The following FHOD3 variants were observed in gnomAD, a reference collection of about 807,000 sequenced individuals.
FHOD3 encodes the protein FH1/FH2 domain-containing protein 3.
FHOD3 carries 90 observed loss-of-function variants against 173.0 expected under a neutral mutation model. The ratio of observed to expected loss-of-function variants is 0.52; its 90% CI spans 0.44 to 0.62. FHOD3 has a LOEUF of 0.62. FHOD3 is among the 20% of genes least tolerant of loss of function. FHOD3 has a pLI of 0.00. For synonymous variants in FHOD3, 828 were observed against 823.0 expected (o/e 1.01, Z -0.10); for missense variants, 1,945 against 2,034.7 (o/e 0.96, Z 0.85).
chr18:36,487,206 T>A (rs1234598872), intron 3 of FHOD3, among the ~76,000 whole-genome samples: 2 of 152,226 alleles, frequency 1.3e-5, no homozygotes, highest in African/African-American at 2.4e-5. Flanking sequence ...TATATTTCAG[T>A]TGATAAGCAA....
At chr18:36,298,116 G>T (rs2091846432) in intron 1 of FHOD3, 116 bp downstream of exon 1, 1 of 968,292 alleles carries the variant, frequency 1.0e-6, no homozygotes, top group Non-Finnish European at 1.4e-6. Flanking sequence ...GCGGCCCGGG[G>T]GGACCATCGC....
chr18:36,638,927 T>A (rs1012642417), intron 10 of FHOD3, among the ~76,000 whole-genome samples: 4 of 152,220 alleles, frequency 2.6e-5, no homozygotes, highest in African/African-American at 4.8e-5. Flanking sequence ...ATTGTACAAC[T>A]TCTGGAAGTG....
chr18:36,443,499 T>C (rs2143882850), intron 3 of FHOD3, among the ~76,000 whole-genome samples: 2 of 152,346 alleles, frequency 1.3e-5, no homozygotes, highest in Middle Eastern at 3.4e-3. Flanking sequence ...CACTTAAACA[T>C]TCCCTCATCA....
chr18:36,320,087 G>A (rs1950661514), intron 1 of FHOD3, among the ~76,000 whole-genome samples: 1 of 152,048 alleles, frequency 6.6e-6, no homozygotes, highest in Admixed American at 6.6e-5. Context: ...AGAAGCAAGA[G>A]CAAACAAATT....
At chr18:36,462,022 A>T (rs556601313) in intron 3 of FHOD3, among the ~76,000 whole-genome samples, 1 of 152,364 alleles carries the variant, frequency 6.6e-6, no homozygotes, top group South Asian at 2.1e-4. Flanking sequence ...GTAGAATAAT[A>T]TGCAAAAGTG....
intron 1 of FHOD3, among the ~76,000 whole-genome samples, chr18:36,347,318 G>A (rs1198549142): frequency 1.3e-5 from 2 of 152,154 alleles, no homozygotes; most frequent in African/African-American, 4.8e-5. Flanking sequence ...TAATTCAAAT[G>A]TTTACCTATT....
intron 5 of FHOD3, among the ~76,000 whole-genome samples, chr18:36,556,783 T>C (rs978787706): frequency 6.6e-6 from 1 of 152,214 alleles, no homozygotes; most frequent in Non-Finnish European, 1.5e-5. Context: ...GTGCTCTTTA[T>C]TCCTTTTTGG....
chr18:36,693,776 C>T (rs1034760144), intron 17 of FHOD3, among the ~76,000 whole-genome samples: 1 of 152,064 alleles, frequency 6.6e-6, no homozygotes, highest in Non-Finnish European at 1.5e-5. Context: ...GACCAACATT[C>T]GAATGTTCTT....
intron 3 of FHOD3, among the ~76,000 whole-genome samples, chr18:36,476,542 C>T (rs2053585651): frequency 6.6e-6 from 1 of 152,094 alleles, no homozygotes; most frequent in South Asian, 2.1e-4. Flanking sequence ...TGTCTTTTGG[C>T]CCCCCATAGT....
chr18:36,560,738 G>A (rs2058052601), intron 5 of FHOD3, among the ~76,000 whole-genome samples: 2 of 151,996 alleles, frequency 1.3e-5, no homozygotes, highest in African/African-American at 2.4e-5. Context: ...TGGGTTGAAA[G>A]ACTGGAGAGA....
At chr18:36,701,718 AC>A (rs765006968) in intron 17 of FHOD3, among the ~76,000 whole-genome samples, 11 of 152,210 alleles carry the variant, frequency 7.2e-5, no homozygotes, top group Non-Finnish European at 1.6e-4. Flanking sequence ...TGGGGGTAAC[AC>A]AGCCCATGAA....
chr18:36,651,728 A>G (rs1018342539), intron 11 of FHOD3, among the ~76,000 whole-genome samples: 1 of 150,652 alleles, frequency 6.6e-6, no homozygotes, highest in African/African-American at 2.5e-5. Context: ...CAAGAGCAAA[A>G]CTCTGTTCAA....
chr18:36,483,756 A>G (rs1000026261), intron 3 of FHOD3, among the ~76,000 whole-genome samples: 3 of 152,240 alleles, frequency 2.0e-5, no homozygotes, highest in African/African-American at 7.2e-5. Context: ...ACATTTCGCC[A>G]TCGGAGAAGC....
intron 5 of FHOD3, among the ~76,000 whole-genome samples, chr18:36,551,185 A>G (rs1343137243): frequency 3.3e-5 from 5 of 152,214 alleles, no homozygotes; most frequent in Non-Finnish European, 7.4e-5. Context: ...TTGTTGATAT[A>G]GTGAACCACA....
intron 1 of FHOD3, among the ~76,000 whole-genome samples, chr18:36,351,725 G>C (rs1439528947): frequency 1.3e-5 from 2 of 152,206 alleles, no homozygotes; most frequent in South Asian, 4.1e-4. Flanking sequence ...ACAGTTTGGG[G>C]CTGGCACAAA....
At chr18:36,305,909 C>A (rs1435742232) in intron 1 of FHOD3, among the ~76,000 whole-genome samples, 1 of 152,194 alleles carries the variant, frequency 6.6e-6, no homozygotes, top group Non-Finnish European at 1.5e-5. Flanking sequence ...TTTGAGGTCA[C>A]CTTCTTCAAC....
At chr18:36,476,320 G>A (rs1226823631) in intron 3 of FHOD3, among the ~76,000 whole-genome samples, 1 of 152,226 alleles carries the variant, frequency 6.6e-6, no homozygotes, top group East Asian at 1.9e-4. Flanking sequence ...GGCATGGAAG[G>A]TGATGCCAGC....
At chr18:36,620,434 G>C (rs1184244554) in intron 9 of FHOD3, among the ~76,000 whole-genome samples, 2 of 152,134 alleles carry the variant, frequency 1.3e-5, no homozygotes, top group Non-Finnish European at 2.9e-5. Flanking sequence ...CCTTCTGTTT[G>C]TCCCCCTACT....
intron 3 of FHOD3, among the ~76,000 whole-genome samples, chr18:36,477,235 G>A (rs1017139775): frequency 2.6e-5 from 4 of 152,150 alleles, no homozygotes; most frequent in African/African-American, 9.7e-5. Context: ...GGTTGGGATG[G>A]TGCAGTTCCT....
Sources: allele counts gnomAD v4.1 joint callset (sites outside exome capture counted in the v4.1 genomes callset), GRCh38; gene constraint gnomAD v4.1.1; transcripts MANE v1.5; gene names NCBI Gene and HGNC (gene_info 2026-07-23, HGNC 2026-07-21).